Variants in OR56A3 observed in about 807,000 individuals in gnomAD.
OR56A3 encodes olfactory receptor 56A3.
A neutral mutation model predicts 17.5 loss-of-function variants in OR56A3; 23 were observed. That is an observed-to-expected ratio of 1.32 (90% confidence interval 0.95 to 1.87). The LOEUF (loss-of-function observed/expected upper bound fraction) is 1.87, where lower values mean the gene tolerates loss of function less well. Ranked by LOEUF, OR56A3 falls within the 40% of genes most tolerant of loss-of-function variation. OR56A3 has a pLI of 0.00. For synonymous variants in OR56A3, 175 were observed against 150.6 expected, an observed-to-expected ratio of 1.16 and a Z score of -1.19; for missense variants, 366 against 380.1, an observed-to-expected ratio of 0.96 and a Z score of 0.31.
the OR56A3 span, among the ~76,000 whole-genome samples, chr11:5,964,032 T>C: frequency 6.6e-6 from 1 of 152,254 alleles, no homozygotes. Flanking sequence ...TTCATTGTAA[T>C]ATTCAGCTCA....
the OR56A3 span, among the ~76,000 whole-genome samples, chr11:5,956,668 T>C: frequency 6.6e-6 from 1 of 152,342 alleles, no homozygotes; most frequent in Admixed American, 6.5e-5. Context: ...TTTATGCTCA[T>C]GTTTGGAGTT....
the OR56A3 span, among the ~76,000 whole-genome samples, chr11:5,978,624 A>G: frequency 1.8e-4 from 27 of 151,988 alleles, no homozygotes; most frequent in Non-Finnish European, 2.6e-4. Context: ...GGCAGAGAGT[A>G]TGGGGTTTTC....
the OR56A3 span, among the ~76,000 whole-genome samples, chr11:5,998,091 TG>T: frequency 1.3e-5 from 2 of 152,286 alleles, no homozygotes; most frequent in Admixed American, 1.3e-4. Context: ...CTCACAAGTC[TG>T]GGCTCCAAGA....
intron 2 of OR56A3, among the ~76,000 whole-genome samples, chr11:5,945,344 G>T (rs1222875025): frequency 6.6e-6 from 1 of 152,134 alleles, no homozygotes; most frequent in Admixed American, 6.5e-5. Flanking sequence ...GGAGGCTGAG[G>T]TGGGTGGATC....
the OR56A3 span, chr11:5,968,412 T>A: frequency 6.2e-7 from 1 of 1,609,670 alleles, no homozygotes; most frequent in South Asian, 1.1e-5. Flanking sequence ...AGACAGCCAG[T>A]GCTGCCAGCT....
the OR56A3 span, among the ~76,000 whole-genome samples, chr11:5,957,384 A>C: frequency 6.6e-6 from 1 of 152,180 alleles, no homozygotes; most frequent in African/African-American, 2.4e-5. Context: ...TCTATCTCAT[A>C]AGCATTTACT....
Position 5,950,164 on chromosome 11 carries a change from ATATACT to A in OR56A3, c.*1874_*1879del, listed in dbSNP as rs1175257685. 6.6e-6 allele frequency: 1 copy of A among 152,210 alleles called. No homozygotes were observed. The highest frequency in any genetic ancestry group is 2.4e-5 in the African/African-American group (1 of 41,460). 9.4% of individuals were successfully genotyped at this position (152,210 alleles called of 1,614,324 possible). On this transcript the variant is annotated 3_prime_UTR_variant, in exon 3 of 3. Coordinates refer to ENST00000641160, the MANE Select transcript of OR56A3 (RefSeq NM_001003443.3). ...AGTTTTAACAATATGCTATATTAAC[ATATACT>A]TATCAAAACACCAAAACTTTGAGGA...
chr11:6,002,251 A>G, the OR56A3 span: 1 of 1,614,150 alleles, frequency 6.2e-7, no homozygotes, highest in Non-Finnish European at 8.5e-7. Context: ...ATGAGGATGA[A>G]GTGGGAACCA....
chr11:5,951,423 A>G (rs1183206289), downstream of OR56A3: 3 of 152,074 alleles, frequency 2.0e-5, no homozygotes, highest in African/African-American at 4.8e-5. Context: ...TGTATTTTAT[A>G]TGAAAAGTTT....
the OR56A3 span, chr11:6,002,083 G>C: frequency 1.2e-5 from 19 of 1,602,938 alleles, no homozygotes; most frequent in East Asian, 2.9e-4. Context: ...TGGATTCCCT[G>C]CTTGATCTCC....
chr11:5,971,925 T>C, the OR56A3 span, among the ~76,000 whole-genome samples: 1 of 152,234 alleles, frequency 6.6e-6, no homozygotes, highest in Admixed American at 6.5e-5. Context: ...CCTTCCAAAA[T>C]ATATGACTGA....
chr11:5,950,485 C>T lies in OR56A3; in HGVS notation c.*2191C>T, dbSNP rs1847901375. 1 of 152,050 alleles carries T rather than the reference C, an allele frequency of 6.6e-6. No individual in the cohort carries two copies. Among genetic ancestry groups the T allele is most frequent in the Non-Finnish European group, 1.5e-5 (1 of 67,974 alleles). The allele number at this position is 152,050 out of a possible 1,614,324, so 9.4% of individuals were successfully genotyped here. Reference sequence around the variant, plus strand: ...TATCGGCATATATTTATTTGAAAAACAAGGTGAACAAGTTAACTATGGTTT... The same window carrying T: ...TATCGGCATATATTTATTTGAAAAATAAGGTGAACAAGTTAACTATGGTTT... On this transcript the variant is annotated 3_prime_UTR_variant, in exon 3 of 3. Coordinates refer to ENST00000641160, the MANE Select transcript of OR56A3 (RefSeq NM_001003443.3).
the OR56A3 span, among the ~76,000 whole-genome samples, chr11:5,988,862 T>C: frequency 6.6e-6 from 1 of 152,242 alleles, no homozygotes; most frequent in Non-Finnish European, 1.5e-5. Flanking sequence ...ATGTTTGTCT[T>C]AAAGGACAGG....
chr11:6,012,083 G>A, the OR56A3 span, among the ~76,000 whole-genome samples: 1 of 152,232 alleles, frequency 6.6e-6, no homozygotes, highest in Non-Finnish European at 1.5e-5. Context: ...GCAATGTGGT[G>A]AGCAAGGAGC....
the OR56A3 span, chr11:6,002,160 A>T: frequency 6.2e-7 from 1 of 1,614,224 alleles, no homozygotes; most frequent in East Asian, 2.2e-5. Flanking sequence ...GATGTTGAGC[A>T]GGATGGGGAC....
At chr11:6,015,998 G>C in the OR56A3 span, among the ~76,000 whole-genome samples, 5 of 152,108 alleles carry the variant, frequency 3.3e-5, no homozygotes, top group Non-Finnish European at 1.5e-5. Context: ...GTGTGGATTT[G>C]TGTCCCCGCC....
chr11:5,988,495 C>T, the OR56A3 span, among the ~76,000 whole-genome samples: 2 of 152,030 alleles, frequency 1.3e-5, no homozygotes, highest in South Asian at 4.2e-4. Flanking sequence ...GTCTTGATTT[C>T]CTTATTTTAT....
chr11:5,955,871 T>C (rs563893342), downstream of OR56A3, among the ~76,000 whole-genome samples: 2 of 152,366 alleles, frequency 1.3e-5, no homozygotes, highest in African/African-American at 2.4e-5. Flanking sequence ...TTATTTGCCA[T>C]ATAGCCTCCT....
the OR56A3 span, among the ~76,000 whole-genome samples, chr11:5,962,699 C>T: frequency 4.6e-5 from 7 of 152,074 alleles, no homozygotes; most frequent in East Asian, 3.9e-4. Flanking sequence ...CCACCGCGCC[C>T]GGCTAATTTT....
Sources: gnomAD v4.1 joint callset for allele counts (sites outside exome capture counted in the v4.1 genomes callset) on GRCh38, gnomAD v4.1.1 for gene constraint, MANE v1.5 for transcripts, NCBI Gene and HGNC (gene_info 2026-07-23, HGNC 2026-07-21) for gene names.